The following FAM167A variants were observed in gnomAD, a reference collection of about 807,000 sequenced individuals.
FAM167A encodes family with sequence similarity 167 member A, also known as protein FAM167A.
Under a neutral mutation model 14.9 loss-of-function variants are expected in FAM167A, and 23 were observed. That is an observed-to-expected ratio of 1.55 (90% CI 1.11 to 2.19). FAM167A has a LOEUF of 2.19. FAM167A is among the 30% of genes most tolerant of loss of function. The pLI is 0.00. For synonymous variants in FAM167A, 174 were observed against 117.7 expected, an observed-to-expected ratio of 1.48 and a Z score of -3.10; for missense variants, 401 against 281.5, an observed-to-expected ratio of 1.42 and a Z score of -3.04.
intron 1 of FAM167A, among the ~76,000 whole-genome samples, chr8:11,450,505 C>A (rs1275713202): frequency 6.6e-6 from 1 of 152,210 alleles, no homozygotes; most frequent in Middle Eastern, 3.2e-3. Flanking sequence ...GGGATTTGAA[C>A]CTCTGCAGTC....
chr8:11,457,712 G>C (rs1807388841), intron 1 of FAM167A, among the ~76,000 whole-genome samples: 1 of 152,196 alleles, frequency 6.6e-6, no homozygotes, highest in South Asian at 2.1e-4. Context: ...CTTTGTCCTT[G>C]TCTTTGGCCC....
Position 11,473,082 on chromosome 8 carries a change from G to A in FAM167A, c.-398+2784C>T, listed in dbSNP as rs1343307581. 3.9e-5 allele frequency among the ~76,000 whole-genome samples: 6 copies of A among 152,332 alleles called. No homozygotes were observed. The East Asian group carries it at 5.8e-4, about 15-fold the overall frequency. ...AGGGTGAGGTGGCCCTTGACCTGCA[G>A]GCAAGACCAGGACCTGCAGTAGAGC... On this transcript the variant is annotated intron_variant, in intron 1 of 1. Coordinates refer to the FAM167A transcript ENST00000648766.
At chr8:11,463,041 C>T (rs116966174) in intron 1 of FAM167A, among the ~76,000 whole-genome samples, 3,542 of 152,166 alleles carry the variant, frequency 0.023, 67 homozygotes, top group Middle Eastern at 0.071. Flanking sequence ...TGGGCTTCAC[C>T]GAGCCCACAG....
intron 2 of FAM167A, among the ~76,000 whole-genome samples, chr8:11,426,322 C>A (rs1347563662): frequency 1.3e-5 from 2 of 152,132 alleles, no homozygotes; most frequent in African/African-American, 4.8e-5. Context: ...ATGTGTAAAA[C>A]CAAACAGTAA....
chr8:11,449,064 C>A (rs2117106314), intron 1 of FAM167A, among the ~76,000 whole-genome samples: 1 of 152,300 alleles, frequency 6.6e-6, no homozygotes, highest in Admixed American at 6.5e-5. Context: ...CGGGATTGCC[C>A]CCAGCACAGC....
chr8:11,437,550 T>A (rs552256597), intron 2 of FAM167A, among the ~76,000 whole-genome samples: 3 of 152,298 alleles, frequency 2.0e-5, no homozygotes, highest in African/African-American at 7.2e-5. Context: ...TAATTACACA[T>A]ATTATGCTTT....
At chr8:11,441,658 CTG>C (rs1806446029) in intron 2 of FAM167A, among the ~76,000 whole-genome samples, 1 of 152,200 alleles carries the variant, frequency 6.6e-6, no homozygotes, top group Non-Finnish European at 1.5e-5. Flanking sequence ...AGCCCCGGCT[CTG>C]TGGCTCACTC....
chr8:11,441,524 T>A (rs1201790954), intron 2 of FAM167A, among the ~76,000 whole-genome samples: 4 of 152,246 alleles, frequency 2.6e-5, no homozygotes, highest in African/African-American at 4.8e-5. Flanking sequence ...GGATGATTTC[T>A]GGAGCATGCA....
intron 2 of FAM167A, among the ~76,000 whole-genome samples, chr8:11,442,200 G>A (rs935554619): frequency 6.6e-6 from 1 of 152,160 alleles, no homozygotes; most frequent in African/African-American, 2.4e-5. Flanking sequence ...CACTGGGCAG[G>A]GCACTTCATG....
At chr8:11,464,547 C>T (rs938178359) in intron 1 of FAM167A, among the ~76,000 whole-genome samples, 55 of 152,212 alleles carry the variant, frequency 3.6e-4, no homozygotes, top group African/African-American at 1.3e-3. Context: ...ATCCAAGTCT[C>T]GGGGTGCATT....
chr8:11,446,102 G>A (rs1193281920), intron 1 of FAM167A, among the ~76,000 whole-genome samples: 2 of 152,020 alleles, frequency 1.3e-5, no homozygotes, highest in Admixed American at 6.6e-5. Context: ...GAAGGGAGGT[G>A]AGGATAGGAG....
intron 2 of FAM167A, among the ~76,000 whole-genome samples, chr8:11,429,321 G>A (rs1229328125): frequency 6.6e-6 from 1 of 152,246 alleles, no homozygotes; most frequent in Non-Finnish European, 1.5e-5. Flanking sequence ...ATGAAGATAT[G>A]TCTTTGCTGG....
At chr8:11,424,893 T>G (rs1341743731) in intron 2 of FAM167A, among the ~76,000 whole-genome samples, 3 of 152,262 alleles carry the variant, frequency 2.0e-5, no homozygotes, top group Non-Finnish European at 2.9e-5. Flanking sequence ...ATATTGGTCC[T>G]GGCTAGAAGA....
At chr8:11,439,928 G>C (rs1357185486) in intron 2 of FAM167A, among the ~76,000 whole-genome samples, 2 of 152,186 alleles carry the variant, frequency 1.3e-5, no homozygotes, top group Non-Finnish European at 2.9e-5. Flanking sequence ...AGCCCGGGCA[G>C]AGGCGTGTGT....
chr8:11,472,509 G>A (rs549096760), upstream of FAM167A, among the ~76,000 whole-genome samples: 4 of 141,346 alleles, frequency 2.8e-5, no homozygotes, highest in African/African-American at 1.1e-4. Flanking sequence ...GCGTGATCTC[G>A]GCTCACTGCA....
At chr8:11,441,997 T>C (rs1318434348) in intron 2 of FAM167A, among the ~76,000 whole-genome samples, 1 of 152,244 alleles carries the variant, frequency 6.6e-6, no homozygotes, top group African/African-American at 2.4e-5. Flanking sequence ...GGGAAGTGGC[T>C]AGAGGAGCGG....
intron 1 of FAM167A, among the ~76,000 whole-genome samples, chr8:11,462,069 G>A (rs1257984957): frequency 6.6e-6 from 1 of 152,230 alleles, no homozygotes; most frequent in Non-Finnish European, 1.5e-5. Flanking sequence ...GTTTGGCAGG[G>A]ACATATGGCC....
chr8:11,424,642 A>AGGGAG lies in FAM167A; in HGVS notation c.382-11_382-7dup. 1 of 1,612,876 alleles carries AGGGAG rather than the reference A, an allele frequency of 6.2e-7. No homozygotes were observed. The highest frequency in any genetic ancestry group is 1.3e-5 in the African/African-American group (1 of 74,922). ...TCCTGCAGCCGCATCTCCGTCTGGA[A>AGGGAG]GGGAGGGGGAGCAGGCAGGGTCAGC... On this transcript the variant is annotated splice_region_variant and splice_polypyrimidine_tract_variant and intron_variant, in intron 2 of 2. Coordinates refer to ENST00000284486, the MANE Select transcript of FAM167A (RefSeq NM_053279.3).
In FAM167A at chr8:11,438,053, A is replaced by C. The variant is rs1279749683; in HGVS notation, c.381+5978T>G. Reference sequence around the variant, plus strand: ...TCTCCTTCGAAGGGAAACTTCACAAAGACAGGAGCCCTGACCCATCCACCT... The same window carrying C: ...TCTCCTTCGAAGGGAAACTTCACAACGACAGGAGCCCTGACCCATCCACCT... On this transcript the variant is annotated intron_variant, in intron 2 of 2. Coordinates refer to ENST00000284486, the MANE Select transcript of FAM167A (RefSeq NM_053279.3). 2.7e-5 allele frequency: 11 copies of C among 404,556 alleles called. No individual in the cohort carries two copies. The East Asian group carries it at 7.3e-4, about 27-fold the overall frequency. 25.1% of individuals were successfully genotyped at this position (404,556 alleles called of 1,614,324 possible). A position where few individuals can be genotyped will look rare whatever the true frequency, so the allele number is the denominator to read the frequency against.
Sources: allele counts gnomAD v4.1 joint callset (sites outside exome capture counted in the v4.1 genomes callset), GRCh38; gene constraint gnomAD v4.1.1; transcripts MANE v1.5; gene names NCBI Gene and HGNC (gene_info 2026-07-23, HGNC 2026-07-21).